PAG1: variants seen among roughly 807,000 people sequenced by gnomAD.
The protein encoded by PAG1 is phosphoprotein associated with glycosphingolipid-enriched microdomains 1.
A neutral mutation model predicts 31.7 loss-of-function variants in PAG1; 23 were observed. The observed-to-expected ratio is 0.73, with a 90% CI of 0.52 to 1.03. The LOEUF (loss-of-function observed/expected upper bound fraction) is 1.03, where lower values mean the gene tolerates loss of function less well. Ranked by LOEUF, PAG1 falls within the 50% of genes least tolerant of loss-of-function variation. The pLI is 0.00. For missense variants in PAG1, 473 were observed against 540.7 expected, an observed-to-expected ratio of 0.87 and a Z score of 1.24; for synonymous variants, 214 against 210.3, an observed-to-expected ratio of 1.02 and a Z score of -0.15.
At chr8:81,049,128 G>C (rs557273959) in intron 2 of PAG1, among the ~76,000 whole-genome samples, 42 of 152,282 alleles carry the variant, frequency 2.8e-4, no homozygotes, top group African/African-American at 9.6e-4. Flanking sequence ...CATTGAGCAA[G>C]AAGAGAGAAT....
chr8:81,030,924 C>T (rs1385262103), intron 2 of PAG1, among the ~76,000 whole-genome samples: 4 of 152,150 alleles, frequency 2.6e-5, no homozygotes, highest in South Asian at 2.1e-4. Context: ...GATGAAAGAA[C>T]GGCTGTGTTT....
intron 1 of PAG1, among the ~76,000 whole-genome samples, chr8:81,105,410 C>G (rs11989764): frequency 0.014 from 2,081 of 152,266 alleles, 51 homozygotes; most frequent in African/African-American, 0.046. Flanking sequence ...AAAACACAGA[C>G]AAGCTGCTAG....
In PAG1 at chr8:81,112,050, CCGCCG is replaced by C. The variant is rs1197187019; in HGVS notation, c.-698_-694del. 1 of 152,170 alleles carries C rather than the reference CCGCCG, an allele frequency of 6.6e-6. No homozygotes were observed. The highest frequency in any genetic ancestry group is 1.5e-5 in the Non-Finnish European group (1 of 68,012). The allele number at this position is 152,170 out of a possible 1,614,324, so 9.4% of individuals were successfully genotyped here. On this transcript the variant is annotated 5_prime_UTR_variant, in exon 1 of 9. Transcript: ENST00000220597. Reference sequence around the variant, plus strand: ...GGGAGGGTACCGCAGCCAGCACTCGCCGCCGCGCCGCGGAGAATGACAGGCGCCGA... The same window carrying C: ...GGGAGGGTACCGCAGCCAGCACTCGCCGCCGCGGAGAATGACAGGCGCCGA...
intron 2 of PAG1, among the ~76,000 whole-genome samples, chr8:81,065,350 A>G (rs1181843686): frequency 2.6e-5 from 4 of 151,978 alleles, no homozygotes; most frequent in African/African-American, 9.7e-5. Flanking sequence ...TTAAATATCA[A>G]CTAGTTACTT....
At chr8:80,991,440 AC>A in intron 5 of PAG1, 38 bp downstream of exon 5, 1 of 1,523,778 alleles carries the variant, frequency 6.6e-7, no homozygotes. Context: ...GTTCTGGAGC[AC>A]GCACGGACAG....
intron 7 of PAG1, among the ~76,000 whole-genome samples, chr8:80,981,762 C>A (rs1249276965): frequency 1.3e-5 from 2 of 151,948 alleles, no homozygotes; most frequent in Non-Finnish European, 2.9e-5. Context: ...AGTGTGGGAT[C>A]ATTCCCAGCC....
At chr8:81,092,333 G>A (rs556918977) in intron 1 of PAG1, among the ~76,000 whole-genome samples, 58 of 152,252 alleles carry the variant, frequency 3.8e-4, no homozygotes, top group South Asian at 8.3e-4. Flanking sequence ...GCAGTGAGCT[G>A]TGTTCACTCC....
chr8:81,045,175 AT>A (rs1381158120), intron 2 of PAG1, among the ~76,000 whole-genome samples: 2 of 152,162 alleles, frequency 1.3e-5, no homozygotes, highest in East Asian at 3.8e-4. Flanking sequence ...ATGATTTTTT[AT>A]TTTGTTAAAC....
intron 1 of PAG1, among the ~76,000 whole-genome samples, chr8:81,070,794 C>A (rs139660482): frequency 6.6e-6 from 1 of 152,188 alleles, no homozygotes. Context: ...AAAACTATCA[C>A]TTATAAAGAT....
chr8:81,015,355 T>C (rs529386516), intron 3 of PAG1, among the ~76,000 whole-genome samples: 2 of 152,352 alleles, frequency 1.3e-5, no homozygotes, highest in South Asian at 2.1e-4. Context: ...ACTGAAACAT[T>C]GTACTTGACC....
intron 1 of PAG1, among the ~76,000 whole-genome samples, chr8:81,106,034 C>A (rs927942617): frequency 5.3e-5 from 8 of 152,034 alleles, no homozygotes; most frequent in African/African-American, 1.4e-4. Context: ...CTGTTAGTGA[C>A]CAATTTTATT....
Position 80,976,462 on chromosome 8 carries a change from G to C in PAG1, c.*82C>G. 1 of 1,371,644 alleles carries C rather than the reference G, an allele frequency of 7.3e-7. No individual in the cohort carries two copies. 85.0% of individuals were successfully genotyped at this position (1,371,644 alleles called of 1,614,324 possible). A position where few individuals can be genotyped will look rare whatever the true frequency, so the allele number is the denominator to read the frequency against. ...TGACTAAAGCAGCATATGAAGTATA[G>C]GTTTGTGTCACTTCTTCTCTTCCAC... On this transcript the variant is annotated 3_prime_UTR_variant, in exon 9 of 9. Transcript: ENST00000220597.
rs554932519 is a variant in PAG1, at chr8:80,974,152, G to GTTTTTTTTTTTTT, written c.*2379_*2391dup. 6.1e-5 allele frequency: 7 copies of GTTTTTTTTTTTTT among 115,378 alleles called. No individual in the cohort carries two copies. The highest frequency in any genetic ancestry group is 9.5e-5 in the Admixed American group (1 of 10,538). 7.1% of individuals were successfully genotyped at this position (115,378 alleles called of 1,614,324 possible). The stretch of plus-strand genomic sequence containing the variant: ...ATTATTTATGAGCTTTCTATAAAAA[G>GTTTTTTTTTTTTT]TTTTTTTTTTTTTTTTTTTTTTACT... On this transcript the variant is annotated 3_prime_UTR_variant, in exon 9 of 9. Transcript: ENST00000220597.
chr8:81,050,157 C>T (rs577615075), intron 2 of PAG1, among the ~76,000 whole-genome samples: 37 of 152,308 alleles, frequency 2.4e-4, no homozygotes, highest in Non-Finnish European at 4.7e-4. Flanking sequence ...ATAACTTAAA[C>T]ACGTTTCATT....
chr8:81,066,768 A>G (rs1809015486), intron 2 of PAG1, among the ~76,000 whole-genome samples: 1 of 152,242 alleles, frequency 6.6e-6, no homozygotes, highest in South Asian at 2.1e-4. Flanking sequence ...AGGTGAAGCC[A>G]TGGTGGCAAA....
chr8:80,982,244 T>C (rs1807322384), intron 7 of PAG1, among the ~76,000 whole-genome samples: 1 of 152,130 alleles, frequency 6.6e-6, no homozygotes, highest in African/African-American at 2.4e-5. Flanking sequence ...TCCTATTCTC[T>C]TTCTAATCCA....
intron 7 of PAG1, among the ~76,000 whole-genome samples, chr8:80,983,323 A>C (rs1307896913): frequency 6.6e-6 from 1 of 151,856 alleles, no homozygotes; most frequent in African/African-American, 2.4e-5. Flanking sequence ...TGTACTCCCC[A>C]CCTGTTTTCT....
At chr8:81,090,926 AT>A (rs1356997009) in intron 1 of PAG1, among the ~76,000 whole-genome samples, 1 of 152,230 alleles carries the variant, frequency 6.6e-6, no homozygotes, top group Non-Finnish European at 1.5e-5. Context: ...ACCTGAGCAG[AT>A]TGGCATGTTA....
At chr8:81,076,544 C>T (rs543460080) in intron 1 of PAG1, among the ~76,000 whole-genome samples, 60 of 152,262 alleles carry the variant, frequency 3.9e-4, no homozygotes, top group African/African-American at 1.4e-3. Context: ...TCAGTGAGGC[C>T]AAAACAAAGC....
Sources: allele counts gnomAD v4.1 joint callset (sites outside exome capture counted in the v4.1 genomes callset), GRCh38; gene constraint gnomAD v4.1.1; transcripts MANE v1.5; gene names NCBI Gene and HGNC (gene_info 2026-07-23, HGNC 2026-07-21).